The following BTLA variants were observed in gnomAD, a reference collection of about 807,000 sequenced individuals.
The protein encoded by BTLA is B- and T-lymphocyte attenuator.
A neutral mutation model predicts 25.0 loss-of-function variants in BTLA; 11 were observed. That is an observed-to-expected ratio of 0.44 (90% confidence interval 0.28 to 0.73). BTLA has a LOEUF of 0.73. Ranked by LOEUF, BTLA falls within the 30% of genes least tolerant of loss-of-function variation. The probability of loss-of-function intolerance (pLI) is 0.15; values close to 1 mark genes in which losing one functional copy is unlikely to be tolerated. For missense variants in BTLA, 282 were observed against 332.8 expected, an observed-to-expected ratio of 0.85 and a Z score of 1.19; for synonymous variants, 104 against 119.8, an observed-to-expected ratio of 0.87 and a Z score of 0.86.
chr3:112,467,798 G>T (rs1202867551), intron 4 of BTLA, among the ~76,000 whole-genome samples: 1 of 152,210 alleles, frequency 6.6e-6, no homozygotes, highest in Admixed American at 6.5e-5. Flanking sequence ...GCCTGGTTGA[G>T]GTCAGTAGGT....
Position 112,465,559 on chromosome 3 carries a change from AT to A in BTLA, c.*548del, listed in dbSNP as rs1192422699. On this transcript the variant is annotated 3_prime_UTR_variant, in exon 5 of 5. Transcript: ENST00000334529. ...CTATATTTTTATTGCACCATTTATTATTTTCATTTTCTTACATCAAGCCTAA... is the reference window on the plus strand; with the variant it reads ...CTATATTTTTATTGCACCATTTATTATTTCATTTTCTTACATCAAGCCTAA... 2.0e-5 allele frequency: 3 copies of A among 152,582 alleles called. No homozygotes were observed. Among genetic ancestry groups the A allele is most frequent in the African/African-American group, 7.2e-5 (3 of 41,430 alleles). 9.5% of individuals were successfully genotyped at this position (152,582 alleles called of 1,614,324 possible).
intron 1 of BTLA, among the ~76,000 whole-genome samples, chr3:112,485,665 C>T (rs2082342979): frequency 6.6e-6 from 1 of 152,136 alleles, no homozygotes; most frequent in South Asian, 2.1e-4. Flanking sequence ...CGGGTTCAAG[C>T]GATTCTCCTG....
chr3:112,471,697 C>T (rs1440161676), intron 2 of BTLA, among the ~76,000 whole-genome samples: 2 of 152,142 alleles, frequency 1.3e-5, no homozygotes, highest in African/African-American at 4.8e-5. Context: ...AGTAGGAAAA[C>T]CATTGTCTTT....
At chr3:112,478,156 T>C (rs191499222) in intron 2 of BTLA, among the ~76,000 whole-genome samples, 1 of 152,056 alleles carries the variant, frequency 6.6e-6, no homozygotes. Flanking sequence ...ATTTCTGCAA[T>C]AGCAACAAAA....
intron 2 of BTLA, among the ~76,000 whole-genome samples, chr3:112,474,054 T>C (rs2107314916): frequency 6.6e-6 from 1 of 152,266 alleles, no homozygotes. Flanking sequence ...CAAGGTGCTT[T>C]TCTTCATTCT....
At chr3:112,486,542 G>C (rs1396217627) in intron 1 of BTLA, among the ~76,000 whole-genome samples, 1 of 152,082 alleles carries the variant, frequency 6.6e-6, no homozygotes, top group African/African-American at 2.4e-5. Flanking sequence ...TAAACAGTAT[G>C]AACTTTGATT....
At chr3:112,483,140 C>CTTTTTT (rs35513528) in intron 1 of BTLA, among the ~76,000 whole-genome samples, 91 of 51,646 alleles carry the variant, frequency 1.8e-3, no homozygotes, top group African/African-American at 4.2e-3. Context: ...GGGCACCTTT[C>CTTTTTT]TTTTTTTTTT....
chr3:112,489,934 A>T (rs540235626), intron 1 of BTLA, among the ~76,000 whole-genome samples: 1 of 152,318 alleles, frequency 6.6e-6, no homozygotes, highest in South Asian at 2.1e-4. Flanking sequence ...GAGTTTAGGG[A>T]TCCCATAAGG....
intron 1 of BTLA, among the ~76,000 whole-genome samples, chr3:112,497,815 AT>A (rs2082417805): frequency 6.6e-6 from 1 of 152,178 alleles, no homozygotes; most frequent in South Asian, 2.1e-4. Flanking sequence ...CAGTGGCCAG[AT>A]TTTCTAATTT....
At chr3:112,475,477 T>G (rs577651878) in intron 2 of BTLA, among the ~76,000 whole-genome samples, 1 of 152,338 alleles carries the variant, frequency 6.6e-6, no homozygotes, top group South Asian at 2.1e-4. Flanking sequence ...GATAGATTGT[T>G]GATCCTAATC....
At chr3:112,484,031 G>T (rs1251056509) in intron 1 of BTLA, among the ~76,000 whole-genome samples, 1 of 152,088 alleles carries the variant, frequency 6.6e-6, no homozygotes, top group Non-Finnish European at 1.5e-5. Flanking sequence ...TTCAGCCGGG[G>T]CAAAGCTTCA....
intron 2 of BTLA, among the ~76,000 whole-genome samples, chr3:112,475,185 A>G (rs2082282467): frequency 6.6e-6 from 1 of 152,190 alleles, no homozygotes; most frequent in African/African-American, 2.4e-5. Context: ...TAGGAAGCCA[A>G]AGAAAATTCT....
At chr3:112,478,955 G>A (rs1043734660) in intron 2 of BTLA, among the ~76,000 whole-genome samples, 14 of 152,080 alleles carry the variant, frequency 9.2e-5, no homozygotes, top group Non-Finnish European at 1.9e-4. Flanking sequence ...TAGGAAGTCA[G>A]TTAGTTGTTT....
intron 1 of BTLA, among the ~76,000 whole-genome samples, chr3:112,490,671 T>C (rs2082375212): frequency 6.7e-6 from 1 of 149,734 alleles, no homozygotes; most frequent in African/African-American, 2.5e-5. Context: ...AAAATGGAAC[T>C]GGAAAGTATT....
At chr3:112,469,397 C>T (rs974236035) in intron 4 of BTLA, among the ~76,000 whole-genome samples, 1 of 151,874 alleles carries the variant, frequency 6.6e-6, no homozygotes, top group Non-Finnish European at 1.5e-5. Context: ...AAGGTGTTTA[C>T]ATAAAAAATA....
rs769328440 is a variant in BTLA, at chr3:112,479,533, C to T, written c.325G>A (p.Asp109Asn). 6.2e-7 allele frequency: 1 copy of T among 1,614,078 alleles called. No individual in the cohort carries two copies. Among genetic ancestry groups the T allele is most frequent in the East Asian group, 2.2e-5 (1 of 44,882 alleles). ...ILHFEPVLPN[D>N]NGSYRCSANF... Reference sequence around the variant, plus strand: ...GCAGAACAGCGGTATGACCCATTGTCATTAGGAAGCACTGGTTCAAAATGT... The same window carrying T: ...GCAGAACAGCGGTATGACCCATTGTTATTAGGAAGCACTGGTTCAAAATGT... Residue 109 changes from aspartate (D) to asparagine (N), a missense_variant, in exon 2 of 5, where the codon GAC becomes AAC. By Grantham distance (23) the Asp-to-Asn change is conservative. Coordinates refer to ENST00000334529, the MANE Select transcript of BTLA (RefSeq NM_181780.4).
rs1043091444 is a variant in BTLA at position 112,464,387 on chromosome 3, A to G, written c.*1721T>C. 31 of 371,006 alleles carry G rather than the reference A, an allele frequency of 8.4e-5. No homozygotes were observed. The highest frequency in any genetic ancestry group is 6.2e-4 in the African/African-American group (30 of 48,192). The allele number at this position is 371,006 out of a possible 1,614,324, so 23.0% of individuals were successfully genotyped here. A position where few individuals can be genotyped will look rare whatever the true frequency, so the allele number is the denominator to read the frequency against. ...GGACAGCTAAATGTATCCTCCCCAT[A>G]TTTCCTGTTTCTATTTTTAAGAATA... On this transcript the variant is annotated 3_prime_UTR_variant, in exon 5 of 5. Coordinates refer to ENST00000334529, the MANE Select transcript of BTLA (RefSeq NM_181780.4).
chr3:112,483,454 A>C (rs548782416), intron 1 of BTLA, among the ~76,000 whole-genome samples: 2 of 151,852 alleles, frequency 1.3e-5, no homozygotes, highest in South Asian at 4.2e-4. Flanking sequence ...GGCCAGAATC[A>C]ATTTACCTTC....
At chr3:112,492,923 G>A (rs1225434956) in intron 1 of BTLA, among the ~76,000 whole-genome samples, 1 of 152,138 alleles carries the variant, frequency 6.6e-6, no homozygotes, top group Admixed American at 6.5e-5. Flanking sequence ...AGCTAAACTT[G>A]ATGTTTTCCT....
Sources: allele counts gnomAD v4.1 joint callset (sites outside exome capture counted in the v4.1 genomes callset), GRCh38; gene constraint gnomAD v4.1.1; transcripts MANE v1.5; gene names NCBI Gene and HGNC (gene_info 2026-07-23, HGNC 2026-07-21).